CTNNA3: variants seen among roughly 807,000 people sequenced by gnomAD.
CTNNA3 encodes the protein catenin alpha-3.
Under a neutral mutation model 95.7 loss-of-function variants are expected in CTNNA3, and 76 were observed. The ratio of observed to expected loss-of-function variants is 0.79; its 90% confidence interval spans 0.66 to 0.96. CTNNA3 has a LOEUF of 0.96. Ranked by LOEUF, CTNNA3 falls within the 40% of genes least tolerant of loss-of-function variation. The pLI is 0.00. For missense variants in CTNNA3, 1,191 were observed against 1,089.8 expected (o/e 1.09, Z -1.31); for synonymous variants, 431 against 374.4 (o/e 1.15, Z -1.74).
chr10:66,035,691 G>A (rs1314610486), intron 15 of CTNNA3, among the ~76,000 whole-genome samples: 2 of 151,782 alleles, frequency 1.3e-5, no homozygotes, highest in African/African-American at 4.8e-5. Context: ...CTTTTACTTT[G>A]GGGGGGTTTC....
chr10:66,123,928 C>G (rs187172495), intron 13 of CTNNA3, among the ~76,000 whole-genome samples: 2 of 152,314 alleles, frequency 1.3e-5, no homozygotes, highest in African/African-American at 4.8e-5. Flanking sequence ...TCCTAGGCCT[C>G]CAGGCCTGTG....
At chr10:66,562,962 T>C (rs1019880026) in intron 10 of CTNNA3, among the ~76,000 whole-genome samples, 5 of 152,212 alleles carry the variant, frequency 3.3e-5, no homozygotes, top group African/African-American at 7.2e-5. Context: ...CGTGAAAATA[T>C]GTAATATAAG....
At chr10:66,072,800 TTTC>T (rs2080468990) in intron 14 of CTNNA3, among the ~76,000 whole-genome samples, 1 of 152,152 alleles carries the variant, frequency 6.6e-6, no homozygotes, top group South Asian at 2.1e-4. Flanking sequence ...CCCTTTTAAC[TTTC>T]TTCATTATCT....
chr10:67,416,589 C>CAG (rs1388116441), intron 5 of CTNNA3, among the ~76,000 whole-genome samples: 1 of 109,598 alleles, frequency 9.1e-6, no homozygotes, highest in African/African-American at 3.7e-5. Flanking sequence ...GCCTGGGCGA[C>CAG]AGAGAGAGAC....
intron 1 of CTNNA3, among the ~76,000 whole-genome samples, chr10:67,747,987 G>A (rs997383237): frequency 1.3e-5 from 2 of 152,168 alleles, no homozygotes; most frequent in Admixed American, 6.5e-5. Flanking sequence ...AATCAATGAA[G>A]CGGAAGAAAG....
At chr10:67,689,444 T>C (rs556190582) in intron 1 of CTNNA3, among the ~76,000 whole-genome samples, 3 of 152,248 alleles carry the variant, frequency 2.0e-5, no homozygotes, top group South Asian at 4.2e-4. Context: ...ATCATTCTTA[T>C]AGGAGAAACT....
At chr10:66,325,440 TC>T (rs1164543071) in intron 12 of CTNNA3, among the ~76,000 whole-genome samples, 16 of 152,078 alleles carry the variant, frequency 1.1e-4, no homozygotes, top group Non-Finnish European at 2.1e-4. Flanking sequence ...CCGAGGAGTC[TC>T]CCTATGTTGC....
At chr10:67,178,590 G>C (rs1052057774) in intron 7 of CTNNA3, among the ~76,000 whole-genome samples, 2 of 151,988 alleles carry the variant, frequency 1.3e-5, no homozygotes, top group African/African-American at 4.8e-5. Context: ...CCTTACCTAT[G>C]TATGTGGGTA....
At chr10:67,210,197 C>T (rs1378481636) in intron 6 of CTNNA3, among the ~76,000 whole-genome samples, 1 of 152,036 alleles carries the variant, frequency 6.6e-6, no homozygotes, top group Non-Finnish European at 1.5e-5. Flanking sequence ...GTCCCAGCTA[C>T]TCTGGAGGCT....
At chr10:67,606,261 G>A (rs1447577972) in intron 3 of CTNNA3, among the ~76,000 whole-genome samples, 1 of 152,146 alleles carries the variant, frequency 6.6e-6, no homozygotes, top group Non-Finnish European at 1.5e-5. Flanking sequence ...TCCTACAGTT[G>A]AGACCTATAT....
intron 7 of CTNNA3, among the ~76,000 whole-genome samples, chr10:67,080,899 ACT>A: frequency 6.7e-6 from 1 of 148,240 alleles, no homozygotes; most frequent in Non-Finnish European, 1.5e-5. Flanking sequence ...AGAGAGCGAG[ACT>A]CTGTCTGAAA....
At chr10:66,116,336 T>C (rs1444809838) in intron 13 of CTNNA3, among the ~76,000 whole-genome samples, 3 of 152,154 alleles carry the variant, frequency 2.0e-5, no homozygotes, top group Non-Finnish European at 4.4e-5. Flanking sequence ...ATATTAAATA[T>C]TAAATATATA....
intron 9 of CTNNA3, among the ~76,000 whole-genome samples, chr10:66,622,085 A>G (rs1370961371): frequency 6.6e-6 from 1 of 152,202 alleles, no homozygotes; most frequent in African/African-American, 2.4e-5. Context: ...TGAGACTGGA[A>G]AAACAAAAGT....
At chr10:67,540,981 T>G (rs1380504210) in intron 3 of CTNNA3, among the ~76,000 whole-genome samples, 2 of 151,926 alleles carry the variant, frequency 1.3e-5, no homozygotes, top group African/African-American at 4.8e-5. Flanking sequence ...ATAATAAACC[T>G]ACTATTTTAT....
At chr10:67,576,308 A>C (rs1290468826) in intron 3 of CTNNA3, among the ~76,000 whole-genome samples, 1 of 152,146 alleles carries the variant, frequency 6.6e-6, no homozygotes, top group Admixed American at 6.6e-5. Flanking sequence ...GAGTCATTTG[A>C]CCTAAGTAAA....
chr10:67,384,033 T>G (rs1430269408), intron 5 of CTNNA3, among the ~76,000 whole-genome samples: 3 of 152,102 alleles, frequency 2.0e-5, no homozygotes, highest in African/African-American at 7.2e-5. Context: ...TGTATAGCAT[T>G]AAGATAAATC....
At chr10:67,078,602 C>T (rs10997496) in intron 7 of CTNNA3, among the ~76,000 whole-genome samples, 3 of 151,950 alleles carry the variant, frequency 2.0e-5, no homozygotes, top group Non-Finnish European at 2.9e-5. Context: ...CTGCAACCTC[C>T]GCCCCCTGGG....
At chr10:66,602,504 C>A (rs1843965210) in intron 10 of CTNNA3, among the ~76,000 whole-genome samples, 1 of 151,746 alleles carries the variant, frequency 6.6e-6, no homozygotes. Context: ...GCTCCACAAG[C>A]TTGAGTTCAC....
At chr10:67,110,234 T>A (rs1449091033) in intron 7 of CTNNA3, among the ~76,000 whole-genome samples, 1 of 152,216 alleles carries the variant, frequency 6.6e-6, no homozygotes, top group Non-Finnish European at 1.5e-5. Flanking sequence ...TTTATATGTG[T>A]AGAGTCTATA....
Sources: gnomAD v4.1 joint callset for allele counts (sites outside exome capture counted in the v4.1 genomes callset) on GRCh38, gnomAD v4.1.1 for gene constraint, MANE v1.5 for transcripts, NCBI Gene and HGNC (gene_info 2026-07-23, HGNC 2026-07-21) for gene names.